The following GBE1 variants were observed in gnomAD, a reference collection of about 807,000 sequenced individuals.
GBE1 encodes 1,4-alpha-glucan branching enzyme 1.
Under a neutral mutation model 88.8 loss-of-function variants are expected in GBE1, and 70 were observed. The ratio of observed to expected loss-of-function variants is 0.79; its 90% CI spans 0.65 to 0.96. The LOEUF is 0.96. GBE1 is among the 40% of genes least tolerant of loss of function. GBE1 has a pLI of 0.00. For missense variants in GBE1, 872 were observed against 871.0 expected (o/e 1.00, Z -0.01); for synonymous variants, 284 against 300.1 (o/e 0.95, Z 0.56).
At chr3:81,625,623 G>A (rs1704403180) in intron 7 of GBE1, among the ~76,000 whole-genome samples, 1 of 151,962 alleles carries the variant, frequency 6.6e-6, no homozygotes, top group South Asian at 2.1e-4. Context: ...TAATTTTGTT[G>A]TAGAGAAAGG....
chr3:81,636,146 T>A (rs1382454588), intron 7 of GBE1, among the ~76,000 whole-genome samples: 1 of 152,186 alleles, frequency 6.6e-6, no homozygotes, highest in Non-Finnish European at 1.5e-5. Context: ...CAAACTCAAA[T>A]CCAGACAGAT....
chr3:81,506,278 A>G (rs1481539085), intron 14 of GBE1, among the ~76,000 whole-genome samples: 1 of 152,192 alleles, frequency 6.6e-6, no homozygotes, highest in African/African-American at 2.4e-5. Flanking sequence ...AAAAGAAGAT[A>G]TACAAGCAGC....
intron 1 of GBE1, among the ~76,000 whole-genome samples, chr3:81,736,925 A>T (rs1706264020): frequency 6.6e-6 from 1 of 152,162 alleles, no homozygotes; most frequent in Non-Finnish European, 1.5e-5. Context: ...TAGAAAACTC[A>T]TTCTTGTAAC....
chr3:81,493,681 C>G (rs1185725564), intron 15 of GBE1, among the ~76,000 whole-genome samples: 1 of 151,802 alleles, frequency 6.6e-6, no homozygotes, highest in Non-Finnish European at 1.5e-5. Context: ...TACAGGGATG[C>G]GCCACCACAC....
chr3:81,575,471 T>C (rs1157637317), intron 12 of GBE1, among the ~76,000 whole-genome samples: 5 of 152,160 alleles, frequency 3.3e-5, no homozygotes, highest in Non-Finnish European at 5.9e-5. Context: ...TCTTAATGAC[T>C]TTTGATAAAC....
At chr3:81,530,385 T>C (rs982759398) in intron 14 of GBE1, among the ~76,000 whole-genome samples, 6 of 151,932 alleles carry the variant, frequency 3.9e-5, no homozygotes, top group African/African-American at 1.5e-4. Context: ...TCGTGATGTT[T>C]GTGGATGTTT....
At chr3:81,708,153 T>C (rs1365562934) in intron 1 of GBE1, among the ~76,000 whole-genome samples, 1 of 151,946 alleles carries the variant, frequency 6.6e-6, no homozygotes, top group African/African-American at 2.4e-5. Context: ...CTGAAAGCAT[T>C]TGAAATAGAT....
intron 1 of GBE1, among the ~76,000 whole-genome samples, chr3:81,719,015 A>G (rs144341008): frequency 1.3e-5 from 2 of 152,144 alleles, no homozygotes; most frequent in Admixed American, 1.3e-4. Flanking sequence ...GTTACTTAGC[A>G]TGTCTTAAAT....
intron 14 of GBE1, among the ~76,000 whole-genome samples, chr3:81,501,821 T>G (rs1296631343): frequency 6.7e-6 from 1 of 148,218 alleles, no homozygotes; most frequent in Non-Finnish European, 1.5e-5. Flanking sequence ...CCTCAGCCTC[T>G]CAAGTAGTTG....
At chr3:81,725,157 C>T (rs1307002403) in intron 1 of GBE1, among the ~76,000 whole-genome samples, 1 of 152,128 alleles carries the variant, frequency 6.6e-6, no homozygotes, top group Non-Finnish European at 1.5e-5. Flanking sequence ...TATATTTAAA[C>T]ATTTTTTATT....
At chr3:81,654,080 CATA>C (rs1306346537) in intron 3 of GBE1, among the ~76,000 whole-genome samples, 2 of 151,786 alleles carry the variant, frequency 1.3e-5, no homozygotes, top group African/African-American at 2.4e-5. Flanking sequence ...AAAATAATAC[CATA>C]ATAATACCAA....
intron 1 of GBE1, among the ~76,000 whole-genome samples, chr3:81,724,056 A>G (rs1404802296): frequency 1.3e-5 from 2 of 152,176 alleles, no homozygotes; most frequent in Admixed American, 1.3e-4. Flanking sequence ...ACACCTAAAC[A>G]ATAATTGTAC....
At chr3:81,549,996 G>A (rs1257666584) in intron 12 of GBE1, among the ~76,000 whole-genome samples, 4 of 151,308 alleles carry the variant, frequency 2.6e-5, no homozygotes, top group Admixed American at 6.6e-5. Context: ...TCTGGATGCT[G>A]CTCAAAAGAA....
At chr3:81,493,956 G>C (rs987583350) in intron 15 of GBE1, among the ~76,000 whole-genome samples, 1 of 151,840 alleles carries the variant, frequency 6.6e-6, no homozygotes, top group Non-Finnish European at 1.5e-5. Context: ...AACTGATGCT[G>C]GTCTTTTTAT....
intron 14 of GBE1, among the ~76,000 whole-genome samples, chr3:81,509,013 A>G (rs150064340): frequency 6.6e-6 from 1 of 152,130 alleles, no homozygotes; most frequent in Non-Finnish European, 1.5e-5. Flanking sequence ...AAAGTACTCA[A>G]ATTACTAGCT....
intron 14 of GBE1, among the ~76,000 whole-genome samples, chr3:81,520,841 T>C (rs1223190870): frequency 6.6e-6 from 1 of 151,478 alleles, no homozygotes; most frequent in Non-Finnish European, 1.5e-5. Context: ...AAGGTTTTTG[T>C]TGTCGTTTTG....
rs1576193700 is a variant in GBE1, at chr3:81,671,097, T to C, written c.314-144A>G. 1.1e-5 allele frequency: 5 copies of C among 435,056 alleles called. No homozygotes were observed. In the East Asian group the frequency reaches 1.8e-4, roughly 16 times the overall value. 26.9% of individuals were successfully genotyped at this position (435,056 alleles called of 1,614,324 possible). On this transcript the variant is annotated intron_variant, in intron 2 of 15. Coordinates refer to ENST00000429644, the MANE Select transcript of GBE1 (RefSeq NM_000158.4). ...TTTTCTGAAGTGTTAATCAAAATAC[T>C]AGTGGTTTAGAAAAGGCAGGTTATT...
At chr3:81,692,402 A>T (rs1158904669) in intron 2 of GBE1, among the ~76,000 whole-genome samples, 5 of 152,332 alleles carry the variant, frequency 3.3e-5, no homozygotes, top group African/African-American at 9.6e-5. Context: ...CTTTAGAAGA[A>T]CAATGTCCAT....
At chr3:81,590,410 T>G (rs577759382) in intron 9 of GBE1, among the ~76,000 whole-genome samples, 2 of 152,218 alleles carry the variant, frequency 1.3e-5, no homozygotes, top group African/African-American at 4.8e-5. Flanking sequence ...TAGCACTAAA[T>G]CTAAATTAGC....
Sources: allele counts gnomAD v4.1 joint callset (sites outside exome capture counted in the v4.1 genomes callset), GRCh38; gene constraint gnomAD v4.1.1; transcripts MANE v1.5; gene names NCBI Gene and HGNC (gene_info 2026-07-23, HGNC 2026-07-21).